ANKDD1B: variants seen among roughly 807,000 people sequenced by gnomAD.
ANKDD1B encodes ankyrin repeat and death domain containing 1B, also known as ankyrin repeat and death domain-containing protein 1B.
In ANKDD1B, 57 loss-of-function variants were observed where a neutral mutation model predicts 59.7. The ratio of observed to expected loss-of-function variants is 0.95; its 90% CI spans 0.77 to 1.19. The LOEUF is 1.19. Ranked by LOEUF, ANKDD1B falls within the 50% of genes most tolerant of loss-of-function variation. ANKDD1B has a pLI of 0.00. For missense variants in ANKDD1B, 602 were observed against 641.9 expected (o/e 0.94, Z 0.67); for synonymous variants, 216 against 239.5 (o/e 0.90, Z 0.91).
Position 75,635,015 on chromosome 5 carries a change from T to G in ANKDD1B, c.699+19T>G, listed in dbSNP as rs1049140148. 32 of 1,470,062 alleles carry G rather than the reference T, an allele frequency of 2.2e-5. 1 individual carries two copies. The highest frequency in any genetic ancestry group is 2.9e-5 in the Non-Finnish European group (32 of 1,087,508). 91.1% of individuals were successfully genotyped at this position (1,470,062 alleles called of 1,614,324 possible). On this transcript the variant is annotated intron_variant, in intron 6 of 13. Coordinates refer to ENST00000601380, the MANE Select transcript of ANKDD1B (RefSeq NM_001276713.2). ...GGACAAGGTGAGTTGGACTTTTATT[T>G]CTTTGCTGAGAACAAGAGAAAGGGG...
intron 8 of ANKDD1B, 107 bp downstream of exon 8, chr5:75,653,347 G>A: frequency 1.4e-6 from 1 of 724,464 alleles, no homozygotes; most frequent in South Asian, 1.8e-5. Flanking sequence ...GTTTCACAAG[G>A]GAGGAATTCT....
At chr5:75,622,639 A>G (rs1167755372) in intron 3 of ANKDD1B, among the ~76,000 whole-genome samples, 3 of 152,312 alleles carry the variant, frequency 2.0e-5, no homozygotes, top group African/African-American at 7.2e-5. Context: ...AGCTCCTAAC[A>G]TGGAAGTGTT....
intron 7 of ANKDD1B, among the ~76,000 whole-genome samples, chr5:75,636,630 A>C (rs1774310929): frequency 1.3e-5 from 2 of 152,146 alleles, no homozygotes; most frequent in Admixed American, 1.3e-4. Flanking sequence ...TGAAAGGTAG[A>C]CTGGTGCCAG....
intron 7 of ANKDD1B, among the ~76,000 whole-genome samples, chr5:75,648,890 A>G (rs1399826814): frequency 1.3e-5 from 2 of 152,180 alleles, no homozygotes; most frequent in Non-Finnish European, 2.9e-5. Context: ...CTTGGTTTCC[A>G]GGAGATTGCT....
chr5:75,671,749 C>A lies in ANKDD1B; in HGVS notation c.*709C>A, dbSNP rs1257481711. 1.4e-5 allele frequency: 2 copies of A among 141,708 alleles called. No individual in the cohort carries two copies. The highest frequency in any genetic ancestry group is 5.2e-5 in the African/African-American group (2 of 38,376). The allele number at this position is 141,708 out of a possible 1,614,324, so 8.8% of individuals were successfully genotyped here. On this transcript the variant is annotated 3_prime_UTR_variant, in exon 14 of 14. Coordinates refer to ENST00000601380, the MANE Select transcript of ANKDD1B (RefSeq NM_001276713.2). Reference sequence around the variant, plus strand: ...TGATGTAATTACAGATGATTATTTTCTTTGTACTTTTGGGTACATTCCATT... The same window carrying A: ...TGATGTAATTACAGATGATTATTTTATTTGTACTTTTGGGTACATTCCATT...
chr5:75,634,377 A>G (rs986376834), intron 5 of ANKDD1B, among the ~76,000 whole-genome samples: 4 of 152,098 alleles, frequency 2.6e-5, no homozygotes, highest in Non-Finnish European at 5.9e-5. Flanking sequence ...GATTCTTAGT[A>G]GATGTTGTAG....
chr5:75,652,158 T>A (rs16872701), intron 7 of ANKDD1B, among the ~76,000 whole-genome samples: 5,955 of 152,300 alleles, frequency 0.039, 349 homozygotes, highest in African/African-American at 0.13. Context: ...TTGAAAGACC[T>A]GCAAATACTT....
Position 75,611,640 on chromosome 5 carries a change from C to A in ANKDD1B, c.6C>A (p.Asp2Glu), listed in dbSNP as rs114367272. The change falls in exon 1 of 14, where the codon GAC becomes GAA. Residue 2 changes from aspartate (D) to glutamate (E), a missense_variant. Asp to Glu is a conservative substitution (Grantham distance 45, BLOSUM62 2). Transcript: ENST00000601380. Reference protein sequence around the residue: MDPAGRARGQGA... With the variant: MEPAGRARGQGA... The stretch of plus-strand genomic sequence containing the variant: ...CAGGGCCCGCGGAGGAGACTATGGA[C>A]CCCGCCGGGCGCGCCCGGGGCCAAG... 39 of 1,231,240 alleles carry A rather than the reference C, an allele frequency of 3.2e-5. No homozygotes were observed. The highest frequency in any genetic ancestry group is 3.1e-4 in the Middle Eastern group (1 of 3,230). The allele number at this position is 1,231,240 out of a possible 1,614,324, so 76.3% of individuals were successfully genotyped here.
At chr5:75,630,859 T>C (rs1774132963) in intron 5 of ANKDD1B, among the ~76,000 whole-genome samples, 1 of 152,232 alleles carries the variant, frequency 6.6e-6, no homozygotes, top group Non-Finnish European at 1.5e-5. Context: ...ACTTTTCATA[T>C]AGTAGGAAAG....
chr5:75,668,684 C>T (rs917849143), intron 12 of ANKDD1B, among the ~76,000 whole-genome samples: 1 of 152,204 alleles, frequency 6.6e-6, no homozygotes, highest in African/African-American at 2.4e-5. Context: ...CAACACCTCT[C>T]TAGGCTGAGA....
chr5:75,648,378 G>T (rs925064880), intron 7 of ANKDD1B, among the ~76,000 whole-genome samples: 1 of 151,818 alleles, frequency 6.6e-6, no homozygotes, highest in East Asian at 1.9e-4. Context: ...TCCCCAGTCG[G>T]TATCCCCCTT....
At position 75,620,287 on chromosome 5, in the gene ANKDD1B, A is replaced by T. The variant is rs1471051965; in HGVS notation, c.298-28A>T. The T allele has an allele frequency of 5.7e-6, 7 of 1,224,686 alleles. No homozygotes were observed. In the Admixed American group the frequency reaches 1.5e-4, roughly 27 times the overall value. 75.9% of individuals were successfully genotyped at this position (1,224,686 alleles called of 1,614,324 possible). ...AAAATCACTGAATAATGATCAGATGACTAAAAACATAAATTATGCTTCCTC... is the reference window on the plus strand; with the variant it reads ...AAAATCACTGAATAATGATCAGATGTCTAAAAACATAAATTATGCTTCCTC... On this transcript the variant is annotated intron_variant, in intron 2 of 13. Transcript: ENST00000601380.
chr5:75,625,757 G>T lies in ANKDD1B; in HGVS notation c.495+12G>T. ...GAGCCAAGAATCAGGTAGGTATGTG[G>T]GTCACACCTGGACAAAAGCTCTTAC... On this transcript the variant is annotated intron_variant, in intron 4 of 13. Transcript: ENST00000601380. The T allele has an allele frequency of 6.5e-7, 1 of 1,534,978 alleles. No individual in the cohort carries two copies. The highest frequency in any genetic ancestry group is 8.7e-7 in the Non-Finnish European group (1 of 1,145,758).
intron 7 of ANKDD1B, among the ~76,000 whole-genome samples, chr5:75,650,199 GA>G (rs1561445358): frequency 1.3e-5 from 2 of 152,166 alleles, no homozygotes. Context: ...ATTGCAGATG[GA>G]ATTAAGGTTG....
intron 3 of ANKDD1B, among the ~76,000 whole-genome samples, chr5:75,622,108 A>G (rs1433375050): frequency 6.6e-6 from 1 of 152,228 alleles, no homozygotes; most frequent in South Asian, 2.1e-4. Flanking sequence ...GACTTCTTCT[A>G]AGTTCTAACA....
chr5:75,633,606 G>A (rs1774223627), intron 5 of ANKDD1B, among the ~76,000 whole-genome samples: 1 of 152,094 alleles, frequency 6.6e-6, no homozygotes, highest in African/African-American at 2.4e-5. Context: ...ATCTGTGAGT[G>A]TTTTCTTCTC....
intron 9 of ANKDD1B, among the ~76,000 whole-genome samples, chr5:75,656,963 C>G (rs564714718): frequency 2.0e-5 from 3 of 152,358 alleles, no homozygotes; most frequent in African/African-American, 7.2e-5. Flanking sequence ...CTCAATTTTG[C>G]TCTGAGCTGA....
At chr5:75,666,654 G>A in intron 11 of ANKDD1B, 138 bp from the exon 12 acceptor site, 2 of 586,106 alleles carry the variant, frequency 3.4e-6, no homozygotes, top group Non-Finnish European at 5.8e-6. Flanking sequence ...ATATATATAT[G>A]ATCCAGTGAC....
In ANKDD1B at chr5:75,663,379, C is replaced by CT. The variant is rs1561451126; in HGVS notation, c.1096-9dup. On this transcript the variant is annotated splice_polypyrimidine_tract_variant and intron_variant, in intron 10 of 13. Transcript: ENST00000601380. The stretch of plus-strand genomic sequence containing the variant: ...AGGCCATATCACCTGAATTTTTTTT[C>CT]TTTTTTAATTTTAGCAAGGAAAGAC... 6.5e-7 allele frequency: 1 copy of CT among 1,532,056 alleles called. No homozygotes were observed. The highest frequency in any genetic ancestry group is 2.4e-5 in the East Asian group (1 of 40,896). The allele number at this position is 1,532,056 out of a possible 1,614,324, so 94.9% of individuals were successfully genotyped here.
Sources: gnomAD v4.1 joint callset for allele counts (sites outside exome capture counted in the v4.1 genomes callset) on GRCh38, gnomAD v4.1.1 for gene constraint, MANE v1.5 for transcripts, NCBI Gene and HGNC (gene_info 2026-07-23, HGNC 2026-07-21) for gene names.